The following PCCA variants were observed in gnomAD, a reference collection of about 807,000 sequenced individuals.
The protein encoded by PCCA is propionyl-CoA carboxylase alpha chain, mitochondrial.
In PCCA, 74 loss-of-function variants were observed where a neutral mutation model predicts 101.3. The ratio of observed to expected loss-of-function variants is 0.73; its 90% CI spans 0.61 to 0.89. PCCA has a LOEUF of 0.89. PCCA is among the 40% of genes least tolerant of loss of function. The pLI, the probability that PCCA is intolerant of heterozygous loss-of-function variation, is 0.00. For missense variants in PCCA, 891 were observed against 907.0 expected, an observed-to-expected ratio of 0.98 and a Z score of 0.23; for synonymous variants, 294 against 313.6, an observed-to-expected ratio of 0.94 and a Z score of 0.66.
intron 4 of PCCA, among the ~76,000 whole-genome samples, chr13:100,117,678 C>T (rs191025870): frequency 3.3e-5 from 5 of 151,976 alleles, no homozygotes; most frequent in East Asian, 1.9e-4. Flanking sequence ...ATGTAAATGA[C>T]GAGTTGATGG....
intron 4 of PCCA, among the ~76,000 whole-genome samples, chr13:100,129,627 G>GA (rs1222891483): frequency 6.6e-6 from 1 of 152,154 alleles, no homozygotes; most frequent in Non-Finnish European, 1.5e-5. Flanking sequence ...TGATAGTTTG[G>GA]ACACATGGCA....
chr13:100,230,134 T>C (rs1007163941), intron 7 of PCCA, among the ~76,000 whole-genome samples: 1 of 152,196 alleles, frequency 6.6e-6, no homozygotes, highest in Non-Finnish European at 1.5e-5. Context: ...AGACAGCTAG[T>C]TGTTGCCCTC....
chr13:100,226,379 G>T (rs2060142788), intron 7 of PCCA, among the ~76,000 whole-genome samples: 1 of 152,080 alleles, frequency 6.6e-6, no homozygotes, highest in Admixed American at 6.5e-5. Flanking sequence ...ATGGGTAGCA[G>T]GATTCTCATC....
At chr13:100,308,507 G>C (rs1053195338) in intron 15 of PCCA, among the ~76,000 whole-genome samples, 1 of 151,662 alleles carries the variant, frequency 6.6e-6, no homozygotes, top group Non-Finnish European at 1.5e-5. Context: ...TATATCTTTT[G>C]TAGAAATGGG....
chr13:100,105,844 C>CAAAAAAAAA (rs71114671), intron 2 of PCCA, among the ~76,000 whole-genome samples: 7 of 62,508 alleles, frequency 1.1e-4, no homozygotes, highest in African/African-American at 2.0e-4. Context: ...GATCCTGTCT[C>CAAAAAAAAA]AAAAAAAAAA....
intron 7 of PCCA, among the ~76,000 whole-genome samples, chr13:100,222,623 C>G (rs779461302): frequency 2.0e-5 from 3 of 152,122 alleles, no homozygotes; most frequent in Non-Finnish European, 4.4e-5. Flanking sequence ...TTTGGAATAT[C>G]TTGGGTTTTT....
chr13:100,499,247 A>G (rs1323793201), intron 21 of PCCA, among the ~76,000 whole-genome samples: 1 of 152,236 alleles, frequency 6.6e-6, no homozygotes, highest in Non-Finnish European at 1.5e-5. Flanking sequence ...CTTTGTCAGC[A>G]TCCGCGCTCA....
rs929861045 is a variant in PCCA, at chr13:100,157,336, G to A, written c.464G>A (p.Cys155Tyr). The A allele has an allele frequency of 1.9e-6, 3 of 1,604,294 alleles. No individual in the cohort carries two copies. The highest frequency in any genetic ancestry group is 2.6e-6 in the Non-Finnish European group (3 of 1,171,420). The change falls in exon 6 of 24, where the codon TGT becomes TAT. Residue 155 changes from cysteine to tyrosine, a missense_variant. By Grantham distance (194) the Cys-to-Tyr change is radical. Transcript: ENST00000376285. ...TCAGAAAACAAAGAATTTGCCAGAT[G>A]TTTGGTAAGTTGGTAATGAACCAGA... ...FLSENKEFAR[C>Y]LAAEDVVFIG...
chr13:100,294,435 G>A (rs928711266), intron 12 of PCCA, among the ~76,000 whole-genome samples: 7 of 151,734 alleles, frequency 4.6e-5, no homozygotes, highest in Non-Finnish European at 7.4e-5. Context: ...AATCTGTTCC[G>A]TTTTCGTGGT....
At chr13:100,520,634 CAAA>C (rs374566196) in intron 22 of PCCA, among the ~76,000 whole-genome samples, 5 of 68,272 alleles carry the variant, frequency 7.3e-5, no homozygotes, top group East Asian at 9.2e-4. Context: ...GACTCCGTCT[CAAA>C]AAAAAAAAAA....
intron 19 of PCCA, among the ~76,000 whole-genome samples, chr13:100,374,519 C>T (rs942722364): frequency 6.6e-6 from 1 of 152,000 alleles, no homozygotes; most frequent in Non-Finnish European, 1.5e-5. Flanking sequence ...TCCATCCACT[C>T]AGGAGAAAAT....
chr13:100,498,236 A>C (rs76740632), intron 21 of PCCA, among the ~76,000 whole-genome samples: 11 of 23,956 alleles, frequency 4.6e-4, no homozygotes, highest in African/African-American at 2.3e-3. Flanking sequence ...TAGGTTAGCC[A>C]AAAAAAAAAA....
chr13:100,182,551 C>A (rs1459379260), intron 6 of PCCA, among the ~76,000 whole-genome samples: 1 of 152,128 alleles, frequency 6.6e-6, no homozygotes, highest in Non-Finnish European at 1.5e-5. Context: ...AGGAATCCAA[C>A]AATGAGAAGA....
chr13:100,112,887 T>G lies in PCCA; in HGVS notation c.300+826T>G, dbSNP rs202236910. On this transcript the variant is annotated intron_variant, in intron 4 of 23. Transcript: ENST00000376285. Reference sequence around the variant, plus strand: ...CACCACACCCGGCCCACAGCAGGGATTTTTTTTAGTAGTAATGTTATGAAT... The same window carrying G: ...CACCACACCCGGCCCACAGCAGGGAGTTTTTTTAGTAGTAATGTTATGAAT... Among the ~76,000 whole-genome samples, 3 of 1,242 alleles carry G rather than the reference T, an allele frequency of 2.4e-3. No homozygotes were observed. In the African/African-American group the frequency reaches 0.065, roughly 27 times the overall value. 0.8% of individuals were successfully genotyped at this position (1,242 alleles called of 152,430 possible).
intron 7 of PCCA, among the ~76,000 whole-genome samples, chr13:100,216,200 G>A (rs573920196): frequency 1.3e-5 from 2 of 152,088 alleles, no homozygotes; most frequent in South Asian, 4.2e-4. Flanking sequence ...TAAGGAAGTG[G>A]CAGGACAAGT....
chr13:100,169,623 G>T (rs1444477610), intron 6 of PCCA, among the ~76,000 whole-genome samples: 1 of 151,574 alleles, frequency 6.6e-6, no homozygotes, highest in East Asian at 2.0e-4. Context: ...CGTCTCCCAG[G>T]TTCAAGTGAT....
rs1331168611 is a variant in PCCA at position 100,111,460 on chromosome 13, C to T, written c.184-381C>T. On this transcript the variant is annotated intron_variant, in intron 2 of 23. Transcript: ENST00000376285. Reference sequence around the variant, plus strand: ...ACAGGCGTGAGCCACTGCACCCGGGCTTGACCAAAGTCTTTTAGTGTCTGA... The same window carrying T: ...ACAGGCGTGAGCCACTGCACCCGGGTTTGACCAAAGTCTTTTAGTGTCTGA... Among the ~76,000 whole-genome samples, 4 of 152,216 alleles carry T rather than the reference C, an allele frequency of 2.6e-5. No homozygotes were observed. In the East Asian group the frequency reaches 7.7e-4, roughly 29 times the overall value.
intron 7 of PCCA, 84 bp downstream of exon 7, chr13:100,209,547 T>A: frequency 9.1e-7 from 1 of 1,101,158 alleles, no homozygotes; most frequent in Admixed American, 1.8e-5. Flanking sequence ...TAACTATTGC[T>A]TTTTTGGGAT....
chr13:100,525,308 C>T lies in PCCA; in HGVS notation c.2041-2367C>T, dbSNP rs571894344. Among the ~76,000 whole-genome samples, 6 of 152,298 alleles carry T rather than the reference C, an allele frequency of 3.9e-5. No individual in the cohort carries two copies. In the East Asian group the frequency reaches 5.8e-4, roughly 15 times the overall value. On this transcript the variant is annotated intron_variant, in intron 22 of 23. Transcript: ENST00000376285. ...GCCTCCCCACTTTTCCTGATTGTCT[C>T]GGGCTAAATCCGAGGTTTTTTTCTG...
Sources: allele counts gnomAD v4.1 joint callset (sites outside exome capture counted in the v4.1 genomes callset), GRCh38; gene constraint gnomAD v4.1.1; transcripts MANE v1.5; gene names NCBI Gene and HGNC (gene_info 2026-07-23, HGNC 2026-07-21).